Variants in CELF2 observed in about 807,000 individuals in gnomAD.
CELF2 encodes the protein CUG triplet repeat RNA-binding protein 2.
Under a neutral mutation model 62.6 loss-of-function variants are expected in CELF2, and 8 were observed. The ratio of observed to expected loss-of-function variants is 0.13; its 90% CI spans 0.07 to 0.23. The LOEUF is 0.23. Among genes scored for constraint, CELF2 ranks in the 10% least tolerant of loss-of-function variants. The pLI, the probability that CELF2 is intolerant of heterozygous loss-of-function variation, is 1.00. For missense variants in CELF2, 333 were observed against 671.0 expected (o/e 0.50, Z 5.56); for synonymous variants, 258 against 250.0 (o/e 1.03, Z -0.30).
intron 1 of CELF2, among the ~76,000 whole-genome samples, chr10:11,073,036 C>G (rs1225167046): frequency 2.0e-5 from 3 of 151,864 alleles, no homozygotes; most frequent in Non-Finnish European, 4.4e-5. Flanking sequence ...ACTACTAATA[C>G]AAGTTACATA....
intron 1 of CELF2, among the ~76,000 whole-genome samples, chr10:10,855,966 TC>T (rs2059681226): frequency 6.6e-6 from 1 of 152,124 alleles, no homozygotes; most frequent in East Asian, 1.9e-4. Flanking sequence ...CAAAGAGATG[TC>T]AGTCTGGAGA....
At chr10:10,580,121 C>T in the CELF2 span, among the ~76,000 whole-genome samples, 2 of 151,982 alleles carry the variant, frequency 1.3e-5, no homozygotes, top group Admixed American at 6.6e-5. Flanking sequence ...TAATATATTA[C>T]AAAATATGTT....
chr10:10,769,858 A>G, the CELF2 span, among the ~76,000 whole-genome samples: 2 of 152,298 alleles, frequency 1.3e-5, no homozygotes, highest in African/African-American at 4.8e-5. Context: ...ACTTAGAATT[A>G]CCTCCTAAAT....
chr10:10,813,569 C>T (rs1028975950), intron 1 of CELF2, among the ~76,000 whole-genome samples: 1 of 152,208 alleles, frequency 6.6e-6, no homozygotes, highest in Non-Finnish European at 1.5e-5. Context: ...ATGTGTCCTT[C>T]CTTGGCTGCC....
the CELF2 span, among the ~76,000 whole-genome samples, chr10:10,707,446 A>G: frequency 3.3e-5 from 5 of 152,240 alleles, no homozygotes; most frequent in African/African-American, 1.2e-4. Flanking sequence ...GTGAAATGAT[A>G]GTTGTCACTA....
At chr10:11,167,224 A>G (rs374755738) in intron 2 of CELF2, among the ~76,000 whole-genome samples, 4 of 152,218 alleles carry the variant, frequency 2.6e-5, no homozygotes, top group African/African-American at 9.7e-5. Flanking sequence ...TTGTTTTAAT[A>G]CTTCCATGGT....
At chr10:10,661,818 G>A in the CELF2 span, among the ~76,000 whole-genome samples, 6 of 152,142 alleles carry the variant, frequency 3.9e-5, no homozygotes. Context: ...GTGAGGTAGG[G>A]AATAGTTAAG....
intron 3 of CELF2, among the ~76,000 whole-genome samples, chr10:11,231,646 GA>G (rs11384558): frequency 1.0e-4 from 15 of 145,468 alleles, no homozygotes; most frequent in African/African-American, 3.3e-4. Context: ...TAACTCTTCA[GA>G]AAAAAAAAAA....
the CELF2 span, among the ~76,000 whole-genome samples, chr10:10,732,282 A>G: frequency 1.3e-5 from 2 of 152,316 alleles, no homozygotes; most frequent in Admixed American, 1.3e-4. Flanking sequence ...TACGCTAATG[A>G]TATATGCAAT....
At chr10:11,303,482 A>G (rs1417701208) in intron 9 of CELF2, among the ~76,000 whole-genome samples, 2 of 152,242 alleles carry the variant, frequency 1.3e-5, no homozygotes. Context: ...TTTTGAGGAC[A>G]GAATACCCAG....
chr10:11,176,670 G>A (rs1275558407), intron 2 of CELF2, among the ~76,000 whole-genome samples: 1 of 152,168 alleles, frequency 6.6e-6, no homozygotes, highest in South Asian at 2.1e-4. Flanking sequence ...GTGTAGACTA[G>A]ATGGACTAGA....
the CELF2 span, among the ~76,000 whole-genome samples, chr10:10,679,089 C>T: frequency 1.3e-5 from 2 of 152,150 alleles, no homozygotes; most frequent in Non-Finnish European, 2.9e-5. Context: ...CCACCCCCTA[C>T]TTTAGCATAT....
At chr10:10,464,565 T>C in the CELF2 span, among the ~76,000 whole-genome samples, 18 of 152,182 alleles carry the variant, frequency 1.2e-4, no homozygotes, top group Admixed American at 5.9e-4. Context: ...CAATAGATCT[T>C]TGAAAATTTT....
At position 11,319,177 on chromosome 10, in the gene CELF2, C is replaced by T. The variant is rs571105566; in HGVS notation, c.1097-2012C>T. ...TTTCCAGAGGACTGTGCCCAGAGTG[C>T]GATCATCTGTAATCCACAGCACCCG... On this transcript the variant is annotated intron_variant, in intron 10 of 12. Transcript: ENST00000633077. The surrounding 1 kb of genome is among the most constrained non-coding windows in gnomAD (Gnocchi z 4.4). The T allele has an allele frequency of 4.6e-5, 21 of 454,346 alleles. No homozygotes were observed. Among genetic ancestry groups the T allele is most frequent in the East Asian group, 3.5e-4 (5 of 14,266 alleles). 28.1% of individuals were successfully genotyped at this position (454,346 alleles called of 1,614,324 possible).
the CELF2 span, among the ~76,000 whole-genome samples, chr10:10,638,184 G>A: frequency 6.6e-6 from 1 of 152,146 alleles, no homozygotes; most frequent in South Asian, 2.1e-4. Context: ...CCCCAGGTGA[G>A]CATCCTTGAC....
chr10:10,665,282 T>A, the CELF2 span, among the ~76,000 whole-genome samples: 4 of 152,124 alleles, frequency 2.6e-5, no homozygotes, highest in Non-Finnish European at 4.4e-5. Flanking sequence ...GCCGGCAAAT[T>A]TGTGGAAGTA....
At position 10,957,753 on chromosome 10, in the gene CELF2, A is replaced by G. The variant is rs191766041; in HGVS notation, c.89+37754A>G. ...GTGAACAGAAACTGGTTTGAAAGTC[A>G]GGACAAACACGGGCCCTTTAACTCA... On this transcript the variant is annotated intron_variant, in intron 2 of 13. Coordinates refer to the CELF2 transcript ENST00000636488. The surrounding 1 kb of genome is among the most constrained non-coding windows in gnomAD (Gnocchi z 4.1). Among the ~76,000 whole-genome samples, 248 of 152,334 alleles carry G rather than the reference A, an allele frequency of 1.6e-3. No homozygotes were observed. The highest frequency in any genetic ancestry group is 2.9e-3 in the Non-Finnish European group (195 of 68,034).
rs138160843 is a variant in CELF2 at position 11,244,709 on chromosome 10, G to C, written c.355-4444G>C. Among the ~76,000 whole-genome samples, 868 of 151,224 alleles carry C rather than the reference G, an allele frequency of 5.7e-3. 8 individuals are homozygous for C. The highest frequency in any genetic ancestry group is 0.02 in the African/African-American group (838 of 41,318). On this transcript the variant is annotated intron_variant, in intron 3 of 12. Coordinates refer to ENST00000633077, the MANE Select transcript of CELF2 (RefSeq NM_001326342.2). This position sits in a 1 kb window ranked among gnomAD's most constrained non-coding sequence, Gnocchi z 4.2. ...AACAACAACTTCCGTTGCTTCCTCT[G>C]TTGGTTAGGATATCGTATCATTGTT... is the stretch of plus-strand genomic sequence containing the variant.
the CELF2 span, among the ~76,000 whole-genome samples, chr10:10,750,296 A>G: frequency 6.6e-6 from 1 of 152,226 alleles, no homozygotes; most frequent in Non-Finnish European, 1.5e-5. Context: ...AAAAAAAAAA[A>G]AAAGAAAAGC....
Sources: allele counts gnomAD v4.1 joint callset (sites outside exome capture counted in the v4.1 genomes callset), GRCh38; gene constraint gnomAD v4.1.1; non-coding constraint Gnocchi (gnomAD v3.1); transcripts MANE v1.5; gene names NCBI Gene and HGNC (gene_info 2026-07-23, HGNC 2026-07-21).